CDH10: variants seen among roughly 807,000 people sequenced by gnomAD.
The protein encoded by CDH10 is cadherin 10.
CDH10 carries 30 observed loss-of-function variants against 73.1 expected under a neutral mutation model. The observed-to-expected ratio is 0.41, with a 90% CI of 0.31 to 0.56. CDH10 has a LOEUF of 0.56. Among genes scored for constraint, CDH10 ranks in the 20% least tolerant of loss-of-function variants. The probability of loss-of-function intolerance (pLI) is 0.27; values close to 1 mark genes in which losing one functional copy is unlikely to be tolerated. For synonymous variants in CDH10, 345 were observed against 348.2 expected (o/e 0.99, Z 0.10); for missense variants, 815 against 973.7 (o/e 0.84, Z 2.17).
chr5:24,495,013 A>G (rs1248079836), intron 9 of CDH10, among the ~76,000 whole-genome samples: 1 of 152,022 alleles, frequency 6.6e-6, no homozygotes, highest in Admixed American at 6.5e-5. Context: ...TCCTGAATTT[A>G]CCTCTCAATC....
chr5:24,505,101 A>G lies in CDH10; in HGVS notation c.1393+11T>C, dbSNP rs1200081817. ...TCTAGATATATGTTAGATACATAAA[A>G]TTCATCTTACTGATTTCAGCAGCAA... On this transcript the variant is annotated intron_variant, in intron 8 of 11. Transcript: ENST00000264463. 6.3e-7 allele frequency: 1 copy of G among 1,592,328 alleles called. No homozygotes were observed. The highest frequency in any genetic ancestry group is 1.7e-5 in the Admixed American group (1 of 59,550).
chr5:24,631,173 T>C (rs1368536113), intron 1 of CDH10, among the ~76,000 whole-genome samples: 2 of 152,138 alleles, frequency 1.3e-5, no homozygotes, highest in Non-Finnish European at 2.9e-5. Context: ...CTTAAGGACT[T>C]AGGTTAATCT....
chr5:24,511,551 G>GAC lies in CDH10; in HGVS notation c.815-38_815-37insGT. Reference sequence around the variant, plus strand: ...AAAGAAAAGAAGAGAGAGACAGAGAGAGAGAGAGAGAGAGAGAGAGAGAGA... The same window carrying GAC: ...AAAGAAAAGAAGAGAGAGACAGAGAGACAGAGAGAGAGAGAGAGAGAGAGAGA... On this transcript the variant is annotated intron_variant, in intron 5 of 11. Transcript: ENST00000264463. The GAC allele has an allele frequency of 1.9e-5, 3 of 155,252 alleles. No individual in the cohort carries two copies. In the South Asian group the frequency reaches 3.6e-4, roughly 18 times the overall value. The allele number at this position is 155,252 out of a possible 1,614,324, so 9.6% of individuals were successfully genotyped here.
chr5:24,526,434 A>G (rs1008042159), intron 5 of CDH10, among the ~76,000 whole-genome samples: 2 of 151,844 alleles, frequency 1.3e-5, no homozygotes, highest in Non-Finnish European at 2.9e-5. Context: ...TTTCACTAAT[A>G]TCTCATTTGC....
rs747475032 is a variant in CDH10, at chr5:24,511,535, AAGAGAGAGACAGAGAG to A, written c.815-37_815-22del. 5 of 845,524 alleles carry A rather than the reference AAGAGAGAGACAGAGAG, an allele frequency of 5.9e-6. No individual in the cohort carries two copies. In the East Asian group the frequency reaches 1.0e-4, roughly 17 times the overall value. The allele number at this position is 845,524 out of a possible 1,614,324, so 52.4% of individuals were successfully genotyped here. A position where few individuals can be genotyped will look rare whatever the true frequency, so the allele number is the denominator to read the frequency against. ...AGTGTCTGTAAAGTATAAAGAAAAG[AAGAGAGAGACAGAGAG>A]AGAGAGAGAGAGAGAGAGAGAGAGA... On this transcript the variant is annotated intron_variant, in intron 5 of 11. Transcript: ENST00000264463.
intron 9 of CDH10, among the ~76,000 whole-genome samples, chr5:24,495,559 A>G (rs565493978): frequency 6.6e-6 from 1 of 151,956 alleles, no homozygotes; most frequent in Admixed American, 6.6e-5. Context: ...AGTAAAATGC[A>G]CCCTTTTGGC....
At chr5:24,624,663 T>G (rs76056557) in intron 1 of CDH10, among the ~76,000 whole-genome samples, 1 of 152,276 alleles carries the variant, frequency 6.6e-6, no homozygotes, top group African/African-American at 2.4e-5. Context: ...GAACCAATTC[T>G]TCTAAGTGCC....
Position 24,593,366 on chromosome 5 carries a change from G to C in CDH10, c.125C>G (p.Pro42Arg), listed in dbSNP as rs201815237. 1 of 1,612,320 alleles carries C rather than the reference G, an allele frequency of 6.2e-7. No individual in the cohort carries two copies. The highest frequency in any genetic ancestry group is 1.1e-5 in the South Asian group (1 of 91,038). Reference sequence around the variant, plus strand: ...ATGGAGAATTTTGCCATCACTCCTTGGTACACGTGAACTTAAAATTCTTTG... The same window carrying C: ...ATGGAGAATTTTGCCATCACTCCTTCGTACACGTGAACTTAAAATTCTTTG... ...PQQRILSSRV[P>R]RSDGKILHRQ... Residue 42 changes from proline (P) to arginine (R), a missense_variant, in exon 2 of 12, where the codon CCA becomes CGA. By Grantham distance (103) the Pro-to-Arg change is moderately radical (BLOSUM62 -2). Transcript: ENST00000264463.
At chr5:24,614,064 A>C (rs116720080) in intron 1 of CDH10, among the ~76,000 whole-genome samples, 1,652 of 152,282 alleles carry the variant, frequency 0.011, 23 homozygotes, top group African/African-American at 0.038. Context: ...AGACAGATAA[A>C]GAACATAGTC....
At position 24,616,917 on chromosome 5, in the gene CDH10, C is replaced by T. The variant is rs80094020; in HGVS notation, c.-123-23304G>A. Among the ~76,000 whole-genome samples the T allele has an allele frequency of 5.6e-4, 85 of 152,134 alleles. 2 individuals carry two copies. In the East Asian group the frequency reaches 0.016, roughly 29 times the overall value. ...TTAAAAAAATTCAAGGACATTTAAG[C>T]GAGAAGTAATTTTAGAAAAGCACAA... On this transcript the variant is annotated intron_variant, in intron 1 of 11. Transcript: ENST00000264463.
chr5:24,623,467 C>T (rs1416105846), intron 1 of CDH10, among the ~76,000 whole-genome samples: 4 of 152,156 alleles, frequency 2.6e-5, no homozygotes, highest in Admixed American at 6.5e-5. Context: ...TTAAAGTGGA[C>T]TATTTCTTTC....
chr5:24,543,149 G>T (rs1008633278), intron 2 of CDH10, among the ~76,000 whole-genome samples: 1 of 151,852 alleles, frequency 6.6e-6, no homozygotes, highest in African/African-American at 2.4e-5. Flanking sequence ...GAAAAATAAA[G>T]AAAAAAAGTT....
intron 1 of CDH10, among the ~76,000 whole-genome samples, chr5:24,632,156 G>A (rs948034927): frequency 6.6e-6 from 1 of 151,930 alleles, no homozygotes; most frequent in Non-Finnish European, 1.5e-5. Context: ...ATTATTTTGG[G>A]TTGTTTCTTG....
intron 1 of CDH10, among the ~76,000 whole-genome samples, chr5:24,628,373 T>C (rs1747580393): frequency 6.6e-6 from 1 of 152,190 alleles, no homozygotes. Context: ...ACTGGAAATG[T>C]AGTGGAGACA....
intron 2 of CDH10, among the ~76,000 whole-genome samples, chr5:24,574,636 T>A (rs1745528283): frequency 1.7e-5 from 2 of 117,420 alleles, no homozygotes; most frequent in Admixed American, 1.7e-4. Flanking sequence ...AATGTGGATG[T>A]AAAGAAAAGA....
chr5:24,553,574 T>G (rs1239016767), intron 2 of CDH10, among the ~76,000 whole-genome samples: 1 of 152,208 alleles, frequency 6.6e-6, no homozygotes. Flanking sequence ...TTATGATTTG[T>G]ACAAAATTTT....
chr5:24,522,816 G>T (rs1035525274), intron 5 of CDH10, among the ~76,000 whole-genome samples: 11 of 152,120 alleles, frequency 7.2e-5, no homozygotes, highest in Admixed American at 1.3e-4. Flanking sequence ...GGGAGCAATG[G>T]TATGCTCTGC....
chr5:24,513,453 A>C (rs181672661), intron 5 of CDH10, among the ~76,000 whole-genome samples: 157 of 152,298 alleles, frequency 1.0e-3, no homozygotes, highest in African/African-American at 3.5e-3. Flanking sequence ...TGCCAAGCCA[A>C]GGAGAGAGGC....
At chr5:24,563,597 CA>C (rs70965616) in intron 2 of CDH10, among the ~76,000 whole-genome samples, 3,107 of 88,682 alleles carry the variant, frequency 0.035, 83 homozygotes, top group African/African-American at 0.082. Context: ...ACTAAAAATA[CA>C]AAAAAAAAAA....
Sources: gnomAD v4.1 joint callset for allele counts (sites outside exome capture counted in the v4.1 genomes callset) on GRCh38, gnomAD v4.1.1 for gene constraint, MANE v1.5 for transcripts, NCBI Gene and HGNC (gene_info 2026-07-23, HGNC 2026-07-21) for gene names.